Variants in DAB1 observed in about 807,000 individuals in gnomAD.
DAB1 encodes DAB adaptor protein 1.
In DAB1, 15 loss-of-function variants were observed where a neutral mutation model predicts 64.6. The observed-to-expected ratio is 0.23, with a 90% CI of 0.16 to 0.36. The LOEUF is 0.36. Among genes scored for constraint, DAB1 ranks in the 10% least tolerant of loss-of-function variants. The pLI is 1.00. For synonymous variants in DAB1, 235 were observed against 251.9 expected, an observed-to-expected ratio of 0.93 and a Z score of 0.64; for missense variants, 596 against 706.7, an observed-to-expected ratio of 0.84 and a Z score of 1.78.
At chr1:58,359,967 G>A (rs114857572) in intron 3 of DAB1, among the ~76,000 whole-genome samples, 199 of 152,246 alleles carry the variant, frequency 1.3e-3, no homozygotes, top group Middle Eastern at 3.4e-3. Flanking sequence ...CTTTCAGATG[G>A]TGGCAATATC....
intron 4 of DAB1, among the ~76,000 whole-genome samples, chr1:58,231,897 T>C (rs1659791081): frequency 6.6e-6 from 1 of 152,158 alleles, no homozygotes; most frequent in Non-Finnish European, 1.5e-5. Context: ...ATTATTCCAA[T>C]TTACATATGG....
chr1:58,189,981 C>T (rs924211271), intron 4 of DAB1, among the ~76,000 whole-genome samples: 1 of 152,188 alleles, frequency 6.6e-6, no homozygotes, highest in African/African-American at 2.4e-5. Flanking sequence ...CCCTCTTCCC[C>T]TCCTGATACT....
chr1:57,539,357 T>C (rs1227935301), intron 7 of DAB1, among the ~76,000 whole-genome samples: 1 of 152,234 alleles, frequency 6.6e-6, no homozygotes, highest in African/African-American at 2.4e-5. Flanking sequence ...CGGGATTCAA[T>C]TGTAATACTG....
chr1:57,227,265 A>G (rs990432305), intron 2 of DAB1, among the ~76,000 whole-genome samples: 1 of 152,212 alleles, frequency 6.6e-6, no homozygotes, highest in African/African-American at 2.4e-5. Flanking sequence ...TATAGACTCA[A>G]TTCATGAATT....
intron 5 of DAB1, among the ~76,000 whole-genome samples, chr1:57,978,499 G>C (rs554840032): frequency 9.2e-5 from 14 of 152,236 alleles, no homozygotes; most frequent in Admixed American, 2.6e-4. Flanking sequence ...TGAGGACACA[G>C]GCACCGGAAA....
intron 5 of DAB1, among the ~76,000 whole-genome samples, chr1:58,080,750 T>C (rs1649946865): frequency 6.6e-6 from 1 of 152,232 alleles, no homozygotes; most frequent in African/African-American, 2.4e-5. Context: ...CTGCCATTTA[T>C]TGCATGAATA....
At chr1:58,086,120 C>T (rs536687747) in intron 5 of DAB1, among the ~76,000 whole-genome samples, 2 of 151,088 alleles carry the variant, frequency 1.3e-5, no homozygotes, top group Admixed American at 6.6e-5. Flanking sequence ...CCCGCCACTA[C>T]GCCCGGCTAA....
At chr1:58,244,153 A>C (rs1228357613) in intron 4 of DAB1, among the ~76,000 whole-genome samples, 2 of 152,208 alleles carry the variant, frequency 1.3e-5, no homozygotes, top group Non-Finnish European at 2.9e-5. Context: ...CTTTCCATGG[A>C]AATACGGGAT....
At chr1:58,091,545 A>G (rs1250206311) in intron 5 of DAB1, among the ~76,000 whole-genome samples, 4 of 152,194 alleles carry the variant, frequency 2.6e-5, no homozygotes, top group Non-Finnish European at 5.9e-5. Context: ...AAGCTTAGAA[A>G]AGTTAAGCAA....
chr1:57,920,688 C>T (rs554820281), intron 5 of DAB1, among the ~76,000 whole-genome samples: 3 of 152,234 alleles, frequency 2.0e-5, no homozygotes, highest in African/African-American at 7.2e-5. Flanking sequence ...GTACAAAATA[C>T]CTACTTCCTA....
At chr1:58,299,610 C>T (rs1049230991) in intron 4 of DAB1, among the ~76,000 whole-genome samples, 3 of 152,178 alleles carry the variant, frequency 2.0e-5, no homozygotes, top group Admixed American at 1.3e-4. Context: ...CAGTCAGAGC[C>T]TTTGACGACC....
chr1:57,738,922 C>T (rs1647827667), intron 6 of DAB1, among the ~76,000 whole-genome samples: 2 of 152,158 alleles, frequency 1.3e-5, no homozygotes, highest in South Asian at 4.1e-4. Flanking sequence ...AAACAACTTT[C>T]TAAAAGGAGG....
intron 7 of DAB1, among the ~76,000 whole-genome samples, chr1:57,628,268 TA>T (rs1645947017): frequency 6.6e-6 from 1 of 152,228 alleles, no homozygotes; most frequent in South Asian, 2.1e-4. Flanking sequence ...AAAGCATTTA[TA>T]AAGTGTAATA....
At chr1:57,367,473 A>C (rs1680152522) in intron 1 of DAB1, among the ~76,000 whole-genome samples, 1 of 152,204 alleles carries the variant, frequency 6.6e-6, no homozygotes, top group Non-Finnish European at 1.5e-5. Context: ...CCTCCTCTGT[A>C]AAATGAAGGC....
intron 1 of DAB1, among the ~76,000 whole-genome samples, chr1:57,377,460 T>G (rs995029956): frequency 6.6e-6 from 1 of 152,066 alleles, no homozygotes; most frequent in Non-Finnish European, 1.5e-5. Context: ...GCCCAGAAAC[T>G]GTAAATTCAG....
intron 5 of DAB1, among the ~76,000 whole-genome samples, chr1:57,908,639 TA>T (rs2102005232): frequency 6.6e-6 from 1 of 152,198 alleles, no homozygotes; most frequent in East Asian, 1.9e-4. Flanking sequence ...AGGGCCTGTC[TA>T]GGAAGAACTT....
At chr1:57,337,426 C>T (rs1269345627) in intron 1 of DAB1, among the ~76,000 whole-genome samples, 2 of 152,156 alleles carry the variant, frequency 1.3e-5, no homozygotes, top group Non-Finnish European at 2.9e-5. Context: ...CTCTCTGCCC[C>T]AGGGATCACA....
At chr1:57,095,750 G>A (rs181051923) in intron 4 of DAB1, among the ~76,000 whole-genome samples, 217 of 152,236 alleles carry the variant, frequency 1.4e-3, no homozygotes, top group African/African-American at 4.9e-3. Flanking sequence ...GTTAAATAAC[G>A]TGGGAAGTAA....
Position 57,691,991 on chromosome 1 carries a change from G to A in DAB1, n.552-42326C>T, listed in dbSNP as rs192145662. Among the ~76,000 whole-genome samples the A allele has an allele frequency of 1.5e-4, 23 of 152,168 alleles. No individual in the cohort carries two copies. The East Asian group carries it at 4.5e-3, about 30-fold the overall frequency. On this transcript the variant is annotated intron_variant and non_coding_transcript_variant, in intron 6 of 20. Coordinates refer to the DAB1 transcript ENST00000485760. Reference sequence around the variant, plus strand: ...ACAACCCCCAACTCTTCGGAGTTGGGAGCATTGGTTTGCCTGGAACCAGCT... The same window carrying A: ...ACAACCCCCAACTCTTCGGAGTTGGAAGCATTGGTTTGCCTGGAACCAGCT...
Sources: gnomAD v4.1 joint callset for allele counts (sites outside exome capture counted in the v4.1 genomes callset) on GRCh38, gnomAD v4.1.1 for gene constraint, MANE v1.5 for transcripts, NCBI Gene and HGNC (gene_info 2026-07-23, HGNC 2026-07-21) for gene names.